ADGRL2: variants seen among roughly 807,000 people sequenced by gnomAD.
The protein encoded by ADGRL2 is calcium-independent alpha-latrotoxin receptor 2.
In ADGRL2, 44 loss-of-function variants were observed where a neutral mutation model predicts 157.4. The ratio of observed to expected loss-of-function variants is 0.28; its 90% CI spans 0.22 to 0.36. The LOEUF (loss-of-function observed/expected upper bound fraction) is 0.36. ADGRL2 is among the 10% of genes least tolerant of loss of function. The probability of loss-of-function intolerance (pLI) is 1.00; values close to 1 mark genes in which losing one functional copy is unlikely to be tolerated. For synonymous variants in ADGRL2, 585 were observed against 624.7 expected, an observed-to-expected ratio of 0.94 and a Z score of 0.95; for missense variants, 1,510 against 1,768.9, an observed-to-expected ratio of 0.85 and a Z score of 2.63.
intron 2 of ADGRL2, among the ~76,000 whole-genome samples, chr1:81,577,128 T>A (rs2080813240): frequency 6.6e-6 from 1 of 152,178 alleles, no homozygotes; most frequent in Non-Finnish European, 1.5e-5. Context: ...TTGATTTTCC[T>A]CTCTTTGGAC....
intron 1 of ADGRL2, among the ~76,000 whole-genome samples, chr1:81,383,978 GA>G (rs970306697): frequency 3.5e-4 from 50 of 144,766 alleles, no homozygotes; most frequent in African/African-American, 1.3e-3. Flanking sequence ...GAAAAGAAAA[GA>G]AAAAAAAGAA....
intron 2 of ADGRL2, among the ~76,000 whole-genome samples, chr1:81,845,481 G>A (rs1377153148): frequency 6.6e-6 from 1 of 151,850 alleles, no homozygotes; most frequent in Non-Finnish European, 1.5e-5. Context: ...TACCAGCAAT[G>A]ATCTGAAATT....
chr1:81,913,992 A>G (rs1031535933), intron 3 of ADGRL2, among the ~76,000 whole-genome samples: 2 of 151,940 alleles, frequency 1.3e-5, no homozygotes, highest in African/African-American at 2.4e-5. Context: ...CTTAATGCAC[A>G]CATACACACA....
chr1:81,755,002 C>A (rs1037559389), intron 1 of ADGRL2, among the ~76,000 whole-genome samples: 5 of 151,610 alleles, frequency 3.3e-5, no homozygotes, highest in African/African-American at 1.2e-4. Context: ...AAAATATAAG[C>A]TACACTAAGA....
intron 2 of ADGRL2, among the ~76,000 whole-genome samples, chr1:81,576,802 T>G (rs2148519334): frequency 6.6e-6 from 1 of 152,324 alleles, no homozygotes; most frequent in African/African-American, 2.4e-5. Flanking sequence ...GTGTATGAAT[T>G]ATCATACTTG....
At chr1:81,474,567 C>T (rs752533235) in intron 2 of ADGRL2, among the ~76,000 whole-genome samples, 13 of 152,142 alleles carry the variant, frequency 8.5e-5, no homozygotes, top group Non-Finnish European at 1.5e-4. Context: ...CATGAAGTAG[C>T]TGGTACATAA....
chr1:81,764,189 C>CAAACA (rs2086023050), intron 2 of ADGRL2, among the ~76,000 whole-genome samples: 1 of 101,512 alleles, frequency 9.9e-6, no homozygotes, highest in East Asian at 2.7e-4. Flanking sequence ...GAGACTCTGT[C>CAAACA]AAAAAAAAAA....
intron 2 of ADGRL2, among the ~76,000 whole-genome samples, chr1:81,507,230 G>A (rs1262222077): frequency 2.0e-5 from 3 of 152,078 alleles, no homozygotes; most frequent in East Asian, 3.9e-4. Context: ...AAGCCCCAGG[G>A]AGTATGAGAG....
At chr1:81,657,184 T>A (rs900227388) in intron 3 of ADGRL2, among the ~76,000 whole-genome samples, 1 of 152,094 alleles carries the variant, frequency 6.6e-6, no homozygotes, top group Non-Finnish European at 1.5e-5. Context: ...ATCCCTAATG[T>A]GATCATATTA....
At chr1:81,659,058 T>G (rs1196086993) in intron 3 of ADGRL2, among the ~76,000 whole-genome samples, 3 of 130,048 alleles carry the variant, frequency 2.3e-5, no homozygotes, top group Non-Finnish European at 3.3e-5. Context: ...AGCAATTTTT[T>G]TTTTTTTTTT....
chr1:81,925,885 A>G (rs1330187219), intron 3 of ADGRL2, among the ~76,000 whole-genome samples: 1 of 152,038 alleles, frequency 6.6e-6, no homozygotes, highest in Non-Finnish European at 1.5e-5. Flanking sequence ...GAGTCAGAAA[A>G]AAAATCTTTA....
At chr1:81,475,579 G>GA (rs1269783524) in intron 2 of ADGRL2, among the ~76,000 whole-genome samples, 3 of 152,204 alleles carry the variant, frequency 2.0e-5, no homozygotes, top group African/African-American at 2.4e-5. Context: ...ATGGATGAGG[G>GA]AAAAAGAATG....
At chr1:81,471,398 C>T (rs1174045322) in intron 2 of ADGRL2, among the ~76,000 whole-genome samples, 1 of 152,136 alleles carries the variant, frequency 6.6e-6, no homozygotes, top group Non-Finnish European at 1.5e-5. Context: ...AGCTACCCCA[C>T]ATGCTTTCAA....
At chr1:81,550,965 A>G (rs889693610) in intron 2 of ADGRL2, among the ~76,000 whole-genome samples, 4 of 152,212 alleles carry the variant, frequency 2.6e-5, no homozygotes, top group African/African-American at 4.8e-5. Context: ...AGGCTGAGAC[A>G]TGATGATGTC....
At chr1:81,841,652 CAT>C (rs1011686881) in intron 2 of ADGRL2, among the ~76,000 whole-genome samples, 8 of 152,046 alleles carry the variant, frequency 5.3e-5, no homozygotes, top group Non-Finnish European at 1.0e-4. Flanking sequence ...CATATATACA[CAT>C]ATTTGTGTAT....
intron 1 of ADGRL2, among the ~76,000 whole-genome samples, chr1:81,400,973 C>A (rs2076742778): frequency 6.6e-6 from 1 of 152,146 alleles, no homozygotes; most frequent in Admixed American, 6.5e-5. Context: ...GCAACATTTT[C>A]TCAGGGAACA....
At chr1:81,842,263 G>A (rs1030286223) in intron 2 of ADGRL2, among the ~76,000 whole-genome samples, 1 of 144,958 alleles carries the variant, frequency 6.9e-6, no homozygotes, top group Admixed American at 6.9e-5. Flanking sequence ...GTTAGTATCT[G>A]TTTCTTTGCA....
At chr1:81,750,378 A>G (rs963845913) in intron 1 of ADGRL2, among the ~76,000 whole-genome samples, 1 of 152,216 alleles carries the variant, frequency 6.6e-6, no homozygotes, top group African/African-American at 2.4e-5. Context: ...TAAAAATAAC[A>G]GGAGACAGAT....
At chr1:81,439,087 A>C (rs2077461072) in intron 1 of ADGRL2, among the ~76,000 whole-genome samples, 1 of 152,182 alleles carries the variant, frequency 6.6e-6, no homozygotes, top group Non-Finnish European at 1.5e-5. Flanking sequence ...AGTGTAAAAA[A>C]ATTATATTGC....
Sources: allele counts gnomAD v4.1 joint callset (sites outside exome capture counted in the v4.1 genomes callset), GRCh38; gene constraint gnomAD v4.1.1; transcripts MANE v1.5; gene names NCBI Gene and HGNC (gene_info 2026-07-23, HGNC 2026-07-21).